The following INTS7 variants were observed in gnomAD, a reference collection of about 807,000 sequenced individuals.
The protein encoded by INTS7 is chromosome 1 open reading frame 73.
A neutral mutation model predicts 109.2 loss-of-function variants in INTS7; 46 were observed. That is an observed-to-expected ratio of 0.42 (90% CI 0.33 to 0.54). The LOEUF is 0.54. INTS7 is among the 20% of genes least tolerant of loss of function. The pLI is 0.07. For missense variants in INTS7, 929 were observed against 1,132.4 expected, an observed-to-expected ratio of 0.82 and a Z score of 2.58; for synonymous variants, 412 against 402.9, an observed-to-expected ratio of 1.02 and a Z score of -0.27.
rs1662697530 is a variant in INTS7 at position 211,942,906 on chromosome 1, T to G, written c.2602-795A>C. 6.6e-6 allele frequency among the ~76,000 whole-genome samples: 1 copy of G among 152,188 alleles called. No homozygotes were observed. Among genetic ancestry groups the G allele is most frequent in the African/African-American group, 2.4e-5 (1 of 41,456 alleles). Reference sequence around the variant, plus strand: ...TGATCTTAATGTGTATTTGACCAAATTACTCTAGGTTTATGTGCGTGTTTC... The same window carrying G: ...TGATCTTAATGTGTATTTGACCAAAGTACTCTAGGTTTATGTGCGTGTTTC... On this transcript the variant is annotated intron_variant, in intron 19 of 19. Coordinates refer to ENST00000366994, the MANE Select transcript of INTS7 (RefSeq NM_015434.4). The surrounding 1 kb of genome is among the most constrained non-coding windows in gnomAD (Gnocchi z 4.2).
At chr1:211,988,952 A>G (rs866225360) in intron 7 of INTS7, among the ~76,000 whole-genome samples, 2 of 152,228 alleles carry the variant, frequency 1.3e-5, no homozygotes, top group Non-Finnish European at 2.9e-5. Context: ...ATCACAGTAC[A>G]GTGACTCTTG....
rs150253257 is a variant in INTS7, at chr1:211,983,165, A to G, written c.998-355T>C. On this transcript the variant is annotated intron_variant, in intron 8 of 19. Transcript: ENST00000366994. The stretch of plus-strand genomic sequence containing the variant: ...TATAGGCCTCTTGTCAGACAAAACC[A>G]TACTTTCAAGATAGGAGAGAAAAGA... Among the ~76,000 whole-genome samples, 52 of 152,324 alleles carry G rather than the reference A, an allele frequency of 3.4e-4. 1 individual carries two copies. Among genetic ancestry groups the G allele is most frequent in the African/African-American group, 1.2e-3 (51 of 41,590 alleles).
At chr1:211,966,708 G>A (rs765506872) in intron 15 of INTS7, among the ~76,000 whole-genome samples, 4 of 152,134 alleles carry the variant, frequency 2.6e-5, no homozygotes, top group African/African-American at 4.8e-5. Flanking sequence ...TCCAAGAAGG[G>A]TACTTCGGAG....
At chr1:211,984,762 A>T (rs1203234946) in intron 8 of INTS7, among the ~76,000 whole-genome samples, 1 of 152,142 alleles carries the variant, frequency 6.6e-6, no homozygotes, top group African/African-American at 2.4e-5. Flanking sequence ...TAAATTTACA[A>T]GCACATTTAT....
At chr1:211,955,020 T>C (rs982917212) in intron 16 of INTS7, among the ~76,000 whole-genome samples, 3 of 152,258 alleles carry the variant, frequency 2.0e-5, no homozygotes, top group African/African-American at 7.2e-5. Context: ...TGATTCTTCC[T>C]ACCCATGAGC....
At chr1:211,984,194 C>T (rs2102431989) in intron 8 of INTS7, among the ~76,000 whole-genome samples, 1 of 152,228 alleles carries the variant, frequency 6.6e-6, no homozygotes, top group South Asian at 2.1e-4. Flanking sequence ...AAAGATGAAA[C>T]TATATCTTTA....
At chr1:211,995,809 T>C (rs1280048327) in intron 7 of INTS7, among the ~76,000 whole-genome samples, 2 of 151,788 alleles carry the variant, frequency 1.3e-5, no homozygotes, top group African/African-American at 2.4e-5. Flanking sequence ...CACAAGGGAG[T>C]GTGGTCACCC....
At position 211,946,678 on chromosome 1, in the gene INTS7, T is replaced by C; in HGVS notation, c.2344A>G (p.Ile782Val). ...GAAAGGGGAACTTTCAGCAAAGCAA[T>C]GATGGCATTGCAGAGGCATGCTGTG... Reference protein sequence around the residue: ...MHTACLCNAIIALLKVPLSFQ... With the variant: ...MHTACLCNAIVALLKVPLSFQ... Residue 782 changes from isoleucine to valine, a missense_variant, in exon 18 of 20, where the codon ATT becomes GTT. By Grantham distance (29) the Ile-to-Val change is conservative (BLOSUM62 3). Transcript: ENST00000366994. The surrounding 1 kb of genome is among the most constrained non-coding windows in gnomAD (Gnocchi z 4.3). 1.9e-6 allele frequency: 3 copies of C among 1,613,362 alleles called. No individual in the cohort carries two copies. Among genetic ancestry groups the C allele is most frequent in the Non-Finnish European group, 2.5e-6 (3 of 1,179,424 alleles).
Position 212,021,205 on chromosome 1 carries a change from T to C in INTS7, c.102A>G (p.Arg34=), listed in dbSNP as rs1666680391. ...CACACTGTTCACCAAGTTTGCCAGA[T>C]CTTAGGCCTATGGAAAAAAAAAAGC... ...SALMELDKGL[R]SGKLGEQCEA... is the part of the protein sequence containing the mutation. Residue 34 remains arginine, a synonymous_variant, in exon 2 of 20, where the codon AGA becomes AGG. Transcript: ENST00000366994. 1 of 1,598,960 alleles carries C rather than the reference T, an allele frequency of 6.3e-7. No homozygotes were observed. The highest frequency in any genetic ancestry group is 8.5e-7 in the Non-Finnish European group (1 of 1,175,722).
chr1:211,955,053 TC>T (rs1663301440), intron 16 of INTS7, among the ~76,000 whole-genome samples: 2 of 152,346 alleles, frequency 1.3e-5, no homozygotes, highest in East Asian at 3.9e-4. Flanking sequence ...TCCATTTGTA[TC>T]CTCTTTTATT....
At chr1:211,992,769 T>TC (rs1665200694) in intron 7 of INTS7, among the ~76,000 whole-genome samples, 1 of 152,134 alleles carries the variant, frequency 6.6e-6, no homozygotes, top group African/African-American at 2.4e-5. Context: ...ATCATGAAGT[T>TC]CCCCAGAAAT....
At chr1:212,009,820 T>C (rs566868473) in intron 5 of INTS7, among the ~76,000 whole-genome samples, 1 of 152,322 alleles carries the variant, frequency 6.6e-6, no homozygotes, top group African/African-American at 2.4e-5. Context: ...TAAGGATACT[T>C]TTCTGCAGGA....
chr1:211,997,011 G>T (rs1389285111), intron 7 of INTS7, among the ~76,000 whole-genome samples: 3 of 151,780 alleles, frequency 2.0e-5, no homozygotes, highest in Non-Finnish European at 2.9e-5. Context: ...GCACTGGAGT[G>T]AGACCCTGTC....
Position 211,942,769 on chromosome 1 carries a change from ACTCATGC to A in INTS7, c.2602-665_2602-659del. Among the ~76,000 whole-genome samples, 1 of 152,308 alleles carries A rather than the reference ACTCATGC, an allele frequency of 6.6e-6. No individual in the cohort carries two copies. Among genetic ancestry groups the A allele is most frequent in the Non-Finnish European group, 1.5e-5 (1 of 68,026 alleles). ...TATAGGCTCATTCATTTAGCCAGACACTCATGCCTTTGTTCTTCAAAGACCAGAATAA... is the reference window on the plus strand; with the variant it reads ...TATAGGCTCATTCATTTAGCCAGACACTTTGTTCTTCAAAGACCAGAATAA... On this transcript the variant is annotated intron_variant, in intron 19 of 19. Transcript: ENST00000366994. The surrounding 1 kb of genome is among the most constrained non-coding windows in gnomAD (Gnocchi z 4.2).
intron 11 of INTS7, among the ~76,000 whole-genome samples, 166 bp downstream of exon 11, chr1:211,978,106 G>A (rs1664496619): frequency 1.3e-5 from 2 of 152,104 alleles, no homozygotes; most frequent in African/African-American, 4.8e-5. Flanking sequence ...AGCTCATAAA[G>A]CCAATTCTAT....
intron 1 of INTS7, among the ~76,000 whole-genome samples, chr1:212,032,687 G>A (rs1667224644): frequency 6.6e-6 from 1 of 152,066 alleles, no homozygotes; most frequent in Non-Finnish European, 1.5e-5. Flanking sequence ...CACCATGTTA[G>A]CCAGGATGGT....
intron 17 of INTS7, among the ~76,000 whole-genome samples, chr1:211,950,422 A>T (rs1571840383): frequency 6.6e-6 from 1 of 152,092 alleles, no homozygotes; most frequent in South Asian, 2.1e-4. Context: ...CAGGTGCTTG[A>T]CATCATGCCT....
chr1:211,959,720 A>G lies in INTS7; in HGVS notation c.2183+6710T>C, dbSNP rs1663531256. ...GGAGTGAAACCAGGCGTGAACAACAATGGACCTTCCCCTGCCCTAAGTGGC... is the reference window on the plus strand; with the variant it reads ...GGAGTGAAACCAGGCGTGAACAACAGTGGACCTTCCCCTGCCCTAAGTGGC... On this transcript the variant is annotated intron_variant, in intron 16 of 19. Coordinates refer to ENST00000366994, the MANE Select transcript of INTS7 (RefSeq NM_015434.4). This position sits in a 1 kb window ranked among gnomAD's most constrained non-coding sequence, Gnocchi z 4.2. Among the ~76,000 whole-genome samples, 3 of 152,072 alleles carry G rather than the reference A, an allele frequency of 2.0e-5. No individual in the cohort carries two copies. Among genetic ancestry groups the G allele is most frequent in the Admixed American group, 2.0e-4 (3 of 15,280 alleles).
intron 16 of INTS7, among the ~76,000 whole-genome samples, chr1:211,963,827 T>C (rs1273916739): frequency 6.6e-6 from 1 of 151,820 alleles, no homozygotes; most frequent in Non-Finnish European, 1.5e-5. Flanking sequence ...AAACTAGGAA[T>C]TGAAGAAACA....
Sources: allele counts gnomAD v4.1 joint callset (sites outside exome capture counted in the v4.1 genomes callset), GRCh38; gene constraint gnomAD v4.1.1; non-coding constraint Gnocchi (gnomAD v3.1); transcripts MANE v1.5; gene names NCBI Gene and HGNC (gene_info 2026-07-23, HGNC 2026-07-21).